Variants in CHN2 observed in about 807,000 individuals in gnomAD.
CHN2 encodes the protein beta-chimaerin.
CHN2 carries 35 observed loss-of-function variants against 56.3 expected under a neutral mutation model. That is an observed-to-expected ratio of 0.62 (90% CI 0.47 to 0.82). The LOEUF (loss-of-function observed/expected upper bound fraction) is 0.82, where lower values mean the gene tolerates loss of function less well. Ranked by LOEUF, CHN2 falls within the 40% of genes least tolerant of loss-of-function variation. CHN2 has a pLI of 0.00. For missense variants in CHN2, 491 were observed against 580.5 expected (o/e 0.85, Z 1.58); for synonymous variants, 210 against 212.8 (o/e 0.99, Z 0.12).
chr7:29,213,193 A>G, intron 1 of CHN2: 1 of 1,289,000 alleles, frequency 7.8e-7, no homozygotes, highest in South Asian at 1.2e-5. Context: ...TACTCCACGA[A>G]CACGCAACCT....
chr7:29,435,124 A>G (rs979846771), intron 6 of CHN2, among the ~76,000 whole-genome samples: 16 of 152,170 alleles, frequency 1.1e-4, no homozygotes, highest in African/African-American at 3.9e-4. Flanking sequence ...AACAAACAAA[A>G]AAACCAACCA....
intron 1 of CHN2, among the ~76,000 whole-genome samples, chr7:29,278,954 G>A (rs1012275104): frequency 6.6e-6 from 1 of 151,712 alleles, no homozygotes; most frequent in East Asian, 1.9e-4. Context: ...CTCCCCCCAG[G>A]CCTGTCTCCC....
At chr7:29,206,756 A>G (rs564887215) in intron 1 of CHN2, among the ~76,000 whole-genome samples, 2 of 152,294 alleles carry the variant, frequency 1.3e-5, no homozygotes, top group Non-Finnish European at 2.9e-5. Context: ...TTCAACATGG[A>G]GAGCCACAGG....
chr7:29,417,722 T>A (rs1803917523), intron 6 of CHN2, among the ~76,000 whole-genome samples: 1 of 152,240 alleles, frequency 6.6e-6, no homozygotes, highest in Admixed American at 6.5e-5. Context: ...TAACACAGTT[T>A]GCAAGTTTTA....
intron 1 of CHN2, among the ~76,000 whole-genome samples, chr7:29,273,351 A>ATATATATATATATATGTG (rs1790856733): frequency 2.0e-5 from 1 of 49,808 alleles, no homozygotes. Flanking sequence ...GTGTATATAT[A>ATATATATATATATATGTG]TATATATATA....
At chr7:29,231,782 A>G (rs1458640939) in intron 1 of CHN2, among the ~76,000 whole-genome samples, 1 of 152,158 alleles carries the variant, frequency 6.6e-6, no homozygotes, top group Admixed American at 6.5e-5. Context: ...AACATTCCGC[A>G]TTTTTAGTTA....
chr7:29,363,732 C>CCA (rs1362278792), intron 2 of CHN2, among the ~76,000 whole-genome samples: 1 of 152,058 alleles, frequency 6.6e-6, no homozygotes. Flanking sequence ...GAATTTTATA[C>CCA]AGGCAAGTCA....
rs1042039746 is a variant in CHN2 at position 29,405,036 on chromosome 7, G to A, written c.576+4208G>A. On this transcript the variant is annotated intron_variant, in intron 6 of 12. Transcript: ENST00000222792. Reference sequence around the variant, plus strand: ...TTTCAGACTCTTGGAATTTTAAACCGTGATCGATGCAGTGCCCTATTTAAA... The same window carrying A: ...TTTCAGACTCTTGGAATTTTAAACCATGATCGATGCAGTGCCCTATTTAAA... Among the ~76,000 whole-genome samples, 12 of 152,104 alleles carry A rather than the reference G, an allele frequency of 7.9e-5. No individual in the cohort carries two copies. The East Asian group carries it at 1.4e-3, about 17-fold the overall frequency.
chr7:29,287,357 T>G (rs1384361794), intron 1 of CHN2, among the ~76,000 whole-genome samples: 1 of 152,096 alleles, frequency 6.6e-6, no homozygotes, highest in Non-Finnish European at 1.5e-5. Context: ...TCTGGGGGCA[T>G]GAGGGGGAAG....
At position 29,511,863 on chromosome 7, in the gene CHN2, G is replaced by A. The variant is rs111371979; in HGVS notation, c.1236-701G>A. ...GATTGTAATTTTATTCCATGAGGAA[G>A]GTGTTAAACCAGCTTTGCAGTTTGA... is the stretch of plus-strand genomic sequence containing the variant. On this transcript the variant is annotated intron_variant, in intron 12 of 12. Transcript: ENST00000222792. Among the ~76,000 whole-genome samples, 532 of 152,262 alleles carry A rather than the reference G, an allele frequency of 3.5e-3. 6 individuals are homozygous for A. The highest frequency in any genetic ancestry group is 0.011 in the African/African-American group (475 of 41,536).
intron 6 of CHN2, among the ~76,000 whole-genome samples, chr7:29,456,612 C>CG: frequency 1.5e-5 from 2 of 135,872 alleles, no homozygotes; most frequent in African/African-American, 5.7e-5. Context: ...ACCACCCGCC[C>CG]CCTCCCCCCC....
At chr7:29,196,381 A>G (rs1304459021) in intron 1 of CHN2, among the ~76,000 whole-genome samples, 6 of 152,218 alleles carry the variant, frequency 3.9e-5, no homozygotes, top group Non-Finnish European at 5.9e-5. Flanking sequence ...GTGGCAGCCA[A>G]TGGGGCAGAA....
chr7:29,504,084 C>T (rs894407758), intron 9 of CHN2, among the ~76,000 whole-genome samples: 5 of 152,020 alleles, frequency 3.3e-5, no homozygotes, highest in African/African-American at 7.2e-5. Flanking sequence ...AACAAGTAAC[C>T]GTTTTTAATT....
intron 1 of CHN2, among the ~76,000 whole-genome samples, chr7:29,308,301 G>C (rs1794326707): frequency 1.3e-5 from 2 of 152,112 alleles, no homozygotes; most frequent in Admixed American, 1.3e-4. Context: ...CCTTATTCCA[G>C]ATCTTCCAAG....
At chr7:29,495,918 G>C in intron 7 of CHN2, 34 bp from the exon 8 acceptor site, 1 of 1,592,134 alleles carries the variant, frequency 6.3e-7, no homozygotes, top group Non-Finnish European at 8.6e-7. Flanking sequence ...ATGACTCTGA[G>C]CTTTCTGACA....
chr7:29,393,665 TC>T lies in CHN2; in HGVS notation c.145-13del. 2 of 895,932 alleles carry T rather than the reference TC, an allele frequency of 2.2e-6. No individual in the cohort carries two copies. Among genetic ancestry groups the T allele is most frequent in the Non-Finnish European group, 3.3e-6 (2 of 608,382 alleles). The allele number at this position is 895,932 out of a possible 1,614,324, so 55.5% of individuals were successfully genotyped here. A position where few individuals can be genotyped will look rare whatever the true frequency, so the allele number is the denominator to read the frequency against. ...TTCAAATGCATTATTAATTTTTTTT[TC>T]TTTTTAATATAGGTGGAAAACAGAC... On this transcript the variant is annotated splice_polypyrimidine_tract_variant and intron_variant, in intron 3 of 12. Coordinates refer to ENST00000222792, the MANE Select transcript of CHN2 (RefSeq NM_004067.4).
At chr7:29,458,401 A>G (rs949904997) in intron 6 of CHN2, among the ~76,000 whole-genome samples, 2 of 152,004 alleles carry the variant, frequency 1.3e-5, no homozygotes, top group Admixed American at 6.6e-5. Flanking sequence ...ACACACACAC[A>G]CACACACACA....
chr7:29,256,588 C>T (rs1183031127), intron 1 of CHN2, among the ~76,000 whole-genome samples: 1 of 152,178 alleles, frequency 6.6e-6, no homozygotes, highest in Non-Finnish European at 1.5e-5. Context: ...TGGATCTTTT[C>T]ATTCCCCAGT....
intron 4 of CHN2, among the ~76,000 whole-genome samples, chr7:29,394,544 G>A (rs758385084): frequency 2.0e-5 from 3 of 152,118 alleles, no homozygotes; most frequent in South Asian, 2.1e-4. Flanking sequence ...TCCCAGCCCC[G>A]TGCACCTTCC....
Sources: gnomAD v4.1 joint callset for allele counts (sites outside exome capture counted in the v4.1 genomes callset) on GRCh38, gnomAD v4.1.1 for gene constraint, MANE v1.5 for transcripts, NCBI Gene and HGNC (gene_info 2026-07-23, HGNC 2026-07-21) for gene names.